Variants in SNX29 observed in about 807,000 individuals in gnomAD.
SNX29 encodes the protein sorting nexin-29.
SNX29 carries 78 observed loss-of-function variants against 102.1 expected under a neutral mutation model. That is an observed-to-expected ratio of 0.76 (90% CI 0.64 to 0.92). SNX29 has a LOEUF of 0.92. Among genes scored for constraint, SNX29 ranks in the 40% least tolerant of loss-of-function variants. SNX29 has a pLI of 0.00. For synonymous variants in SNX29, 580 were observed against 414.5 expected, an observed-to-expected ratio of 1.40 and a Z score of -4.85; for missense variants, 1,280 against 1,061.7, an observed-to-expected ratio of 1.21 and a Z score of -2.86.
intron 8 of SNX29, among the ~76,000 whole-genome samples, chr16:12,054,035 T>A (rs1407807321): frequency 6.6e-6 from 1 of 151,760 alleles, no homozygotes; most frequent in Non-Finnish European, 1.5e-5. Context: ...TGGCGTGATC[T>A]CGGCTCACTG....
intron 19 of SNX29, among the ~76,000 whole-genome samples, chr16:12,513,283 C>T (rs1260141261): frequency 6.7e-6 from 1 of 150,006 alleles, no homozygotes; most frequent in East Asian, 2.0e-4. Context: ...TGCTCCCTCC[C>T]CAGCCCTCCT....
chr16:12,327,600 A>C (rs1277528707), intron 15 of SNX29, among the ~76,000 whole-genome samples: 1 of 152,092 alleles, frequency 6.6e-6, no homozygotes, highest in African/African-American at 2.4e-5. Flanking sequence ...TACCTCCTTA[A>C]AGCCTCTGTC....
At chr16:12,122,253 T>C (rs2054003863) in intron 11 of SNX29, among the ~76,000 whole-genome samples, 1 of 152,174 alleles carries the variant, frequency 6.6e-6, no homozygotes, top group Admixed American at 6.5e-5. Context: ...GCCACCTTCC[T>C]TCGCGTCTCT....
At chr16:12,186,864 AAG>A (rs1413680409) in intron 13 of SNX29, among the ~76,000 whole-genome samples, 5 of 152,208 alleles carry the variant, frequency 3.3e-5, no homozygotes, top group African/African-American at 1.2e-4. Context: ...TGGCCTAATA[AAG>A]AGACACTATA....
intron 18 of SNX29, among the ~76,000 whole-genome samples, chr16:12,449,618 T>C (rs1324865360): frequency 6.6e-6 from 1 of 152,208 alleles, no homozygotes; most frequent in Admixed American, 6.5e-5. Context: ...GTGCTCCAGC[T>C]GTGCATCTCC....
chr16:12,199,418 A>T (rs545035607), intron 13 of SNX29, among the ~76,000 whole-genome samples, 183 bp from the exon 14 acceptor site: 1 of 152,356 alleles, frequency 6.6e-6, no homozygotes, highest in East Asian at 1.9e-4. Flanking sequence ...CACTCTGCAG[A>T]CATGCCCAAG....
At chr16:12,334,870 C>T (rs939439948) in intron 15 of SNX29, among the ~76,000 whole-genome samples, 2 of 135,916 alleles carry the variant, frequency 1.5e-5, no homozygotes, top group Non-Finnish European at 3.1e-5. Flanking sequence ...TTGTGTCAGC[C>T]CCTTTTGCTT....
chr16:12,042,271 TCCA>T (rs2049911984), intron 4 of SNX29, among the ~76,000 whole-genome samples: 1 of 152,154 alleles, frequency 6.6e-6, no homozygotes, highest in Admixed American at 6.6e-5. Flanking sequence ...CCTCAAGTGA[TCCA>T]CCACATCAGC....
At chr16:11,993,912 G>A (rs1184813484) in intron 1 of SNX29, among the ~76,000 whole-genome samples, 1 of 152,178 alleles carries the variant, frequency 6.6e-6, no homozygotes, top group Non-Finnish European at 1.5e-5. Flanking sequence ...CCTGAGGTCA[G>A]GAGTTTGAGA....
chr16:12,226,942 C>T (rs375241506), intron 14 of SNX29, among the ~76,000 whole-genome samples: 22 of 152,214 alleles, frequency 1.4e-4, no homozygotes, highest in Admixed American at 8.5e-4. Context: ...CATCTTCAGG[C>T]GGCAGGGTCT....
At chr16:12,275,384 C>T (rs1353598465) in intron 14 of SNX29, among the ~76,000 whole-genome samples, 2 of 152,200 alleles carry the variant, frequency 1.3e-5, no homozygotes, top group East Asian at 3.8e-4. Context: ...ACCCTAACCT[C>T]AACTCAGTCC....
chr16:12,381,106 C>T (rs1164701330), intron 16 of SNX29, among the ~76,000 whole-genome samples: 4 of 36,206 alleles, frequency 1.1e-4, no homozygotes, highest in African/African-American at 4.7e-4. Context: ...CATCCACCCA[C>T]CCACCCACCA....
chr16:12,057,109 A>T (rs535019139), intron 8 of SNX29, among the ~76,000 whole-genome samples: 1 of 152,324 alleles, frequency 6.6e-6, no homozygotes, highest in South Asian at 2.1e-4. Context: ...TCACTGAGCC[A>T]GGCCCAGATG....
chr16:12,438,835 A>G (rs748210699), intron 18 of SNX29, among the ~76,000 whole-genome samples: 4 of 152,148 alleles, frequency 2.6e-5, no homozygotes, highest in East Asian at 1.9e-4. Flanking sequence ...GACTCAGGGA[A>G]GGTTCTGGGC....
intron 18 of SNX29, among the ~76,000 whole-genome samples, chr16:12,447,824 C>G (rs1337387120): frequency 6.6e-6 from 1 of 152,212 alleles, no homozygotes; most frequent in African/African-American, 2.4e-5. Context: ...ACTCAGAGAG[C>G]CCTCTCTTCC....
chr16:12,573,048 G>GT lies in SNX29; in HGVS notation c.*4421dup, dbSNP rs1198453178. On this transcript the variant is annotated 3_prime_UTR_variant, in exon 21 of 21. Coordinates refer to ENST00000566228, the MANE Select transcript of SNX29 (RefSeq NM_032167.5). Reference sequence around the variant, plus strand: ...GATTGGCGTCCGTGCTAATTCTGCAGTTGTAGCACTGTATATTTTATCTCA... The same window carrying GT: ...GATTGGCGTCCGTGCTAATTCTGCAGTTTGTAGCACTGTATATTTTATCTCA... 1 of 236,970 alleles carries GT rather than the reference G, an allele frequency of 4.2e-6. No homozygotes were observed. The highest frequency in any genetic ancestry group is 6.2e-5 in the East Asian group (1 of 16,150). The allele number at this position is 236,970 out of a possible 1,614,324, so 14.7% of individuals were successfully genotyped here.
intron 15 of SNX29, among the ~76,000 whole-genome samples, chr16:12,339,370 C>CAAAAAAAAAAAAAAAAAAAAAAAA: frequency 1.8e-5 from 1 of 56,280 alleles, no homozygotes; most frequent in African/African-American, 8.0e-5. Flanking sequence ...GATTCTGTCT[C>CAAAAAAAAAAAAAAAAAAAAAAAA]AAAAAAAAAA....
intron 20 of SNX29, among the ~76,000 whole-genome samples, chr16:12,562,375 T>A (rs1019193098): frequency 2.1e-5 from 3 of 139,668 alleles, no homozygotes; most frequent in Non-Finnish European, 4.6e-5. Context: ...CACCATTTTT[T>A]AAAACAGCTC....
At chr16:12,538,330 C>T (rs1053723833) in intron 20 of SNX29, among the ~76,000 whole-genome samples, 12 of 152,128 alleles carry the variant, frequency 7.9e-5, no homozygotes, top group Non-Finnish European at 1.3e-4. Flanking sequence ...CCATGTTAGC[C>T]AGGATGGTCT....
Sources: allele counts gnomAD v4.1 joint callset (sites outside exome capture counted in the v4.1 genomes callset), GRCh38; gene constraint gnomAD v4.1.1; transcripts MANE v1.5; gene names NCBI Gene and HGNC (gene_info 2026-07-23, HGNC 2026-07-21).